Variants in CNTNAP5 observed in about 807,000 individuals in gnomAD.
CNTNAP5 encodes the protein contactin associated protein family member 5, also known as contactin-associated protein-like 5.
A neutral mutation model predicts 150.2 loss-of-function variants in CNTNAP5; 72 were observed. The ratio of observed to expected loss-of-function variants is 0.48; its 90% confidence interval spans 0.40 to 0.58. The LOEUF (loss-of-function observed/expected upper bound fraction) is 0.58, where lower values mean the gene tolerates loss of function less well. Ranked by LOEUF, CNTNAP5 falls within the 20% of genes least tolerant of loss-of-function variation. The pLI is 0.00. For synonymous variants in CNTNAP5, 672 were observed against 619.8 expected (o/e 1.08, Z -1.25); for missense variants, 1,636 against 1,626.2 (o/e 1.01, Z -0.10).
intron 7 of CNTNAP5, among the ~76,000 whole-genome samples, chr2:124,501,281 C>T (rs1255322137): frequency 1.3e-5 from 2 of 152,206 alleles, no homozygotes; most frequent in Non-Finnish European, 2.9e-5. Context: ...GTACAATTAA[C>T]TAATCCCTGT....
At chr2:124,525,626 G>A (rs1446278412) in intron 9 of CNTNAP5, among the ~76,000 whole-genome samples, 2 of 152,194 alleles carry the variant, frequency 1.3e-5, no homozygotes, top group African/African-American at 2.4e-5. Context: ...AGGTCTCCTA[G>A]GAGGGAAGCA....
chr2:124,238,084 C>T (rs903008126), intron 2 of CNTNAP5, among the ~76,000 whole-genome samples: 4 of 152,074 alleles, frequency 2.6e-5, no homozygotes, highest in Non-Finnish European at 5.9e-5. Context: ...AACTGAGATA[C>T]TGGAAACAAT....
chr2:124,792,289 T>C lies in CNTNAP5; in HGVS notation c.2992+2148T>C, dbSNP rs764580686. On this transcript the variant is annotated intron_variant, in intron 18 of 23. Transcript: ENST00000682447. ...AATAAACTAGTAATTAACTGCAACATATATTCCTCATCCAAACAAATAGAG... is the reference window on the plus strand; with the variant it reads ...AATAAACTAGTAATTAACTGCAACACATATTCCTCATCCAAACAAATAGAG... 5.9e-4 allele frequency among the ~76,000 whole-genome samples: 90 copies of C among 152,192 alleles called. No individual in the cohort carries two copies. In the Middle Eastern group the frequency reaches 0.01, roughly 17 times the overall value.
intron 11 of CNTNAP5, among the ~76,000 whole-genome samples, chr2:124,579,263 T>G (rs1327372877): frequency 6.6e-6 from 1 of 152,230 alleles, no homozygotes; most frequent in African/African-American, 2.4e-5. Context: ...TTCCTCATGA[T>G]AGGCTCTATA....
At chr2:124,163,951 C>T (rs752441618) in intron 1 of CNTNAP5, among the ~76,000 whole-genome samples, 2 of 151,950 alleles carry the variant, frequency 1.3e-5, no homozygotes, top group Non-Finnish European at 2.9e-5. Context: ...CTCTGTTCTT[C>T]ACTTCACTTA....
chr2:124,538,582 A>C (rs923914940), intron 10 of CNTNAP5, among the ~76,000 whole-genome samples: 8 of 151,602 alleles, frequency 5.3e-5, no homozygotes, highest in Non-Finnish European at 1.0e-4. Flanking sequence ...AGAAAGAAGG[A>C]AGGAAAGAAA....
intron 1 of CNTNAP5, among the ~76,000 whole-genome samples, chr2:124,038,559 A>T (rs1438360018): frequency 6.6e-6 from 1 of 152,194 alleles, no homozygotes; most frequent in Non-Finnish European, 1.5e-5. Flanking sequence ...AGCTCTCAAA[A>T]ATAATTAGCC....
chr2:124,853,371 T>G (rs1319450455), intron 19 of CNTNAP5, among the ~76,000 whole-genome samples: 1 of 152,226 alleles, frequency 6.6e-6, no homozygotes, highest in African/African-American at 2.4e-5. Context: ...CTTGCCAGTG[T>G]GGTCTCTTTC....
At chr2:124,080,635 C>T (rs530873649) in intron 1 of CNTNAP5, among the ~76,000 whole-genome samples, 1 of 152,204 alleles carries the variant, frequency 6.6e-6, no homozygotes, top group South Asian at 2.1e-4. Context: ...GAGAGTGTCC[C>T]CAAATCCATT....
chr2:124,613,964 G>A (rs1208702922), intron 12 of CNTNAP5, among the ~76,000 whole-genome samples: 1 of 152,132 alleles, frequency 6.6e-6, no homozygotes, highest in African/African-American at 2.4e-5. Context: ...TGGGAGACGG[G>A]GAGAGCACAA....
intron 3 of CNTNAP5, among the ~76,000 whole-genome samples, chr2:124,326,953 C>T (rs895173394): frequency 4.3e-5 from 6 of 139,816 alleles, no homozygotes; most frequent in African/African-American, 8.0e-5. Context: ...ACAGCCTGGG[C>T]GACGAGGTTA....
At chr2:124,803,577 C>A (rs1682016549) in intron 19 of CNTNAP5, among the ~76,000 whole-genome samples, 1 of 152,102 alleles carries the variant, frequency 6.6e-6, no homozygotes, top group South Asian at 2.1e-4. Context: ...GTGCAGCTGC[C>A]CTCCAGCACC....
chr2:124,463,477 T>G (rs1272686090), intron 6 of CNTNAP5, among the ~76,000 whole-genome samples: 2 of 152,264 alleles, frequency 1.3e-5, no homozygotes, highest in African/African-American at 4.8e-5. Context: ...AGTTTGAGAA[T>G]ATAGGGCTGC....
chr2:124,796,573 C>T (rs1681850979), intron 18 of CNTNAP5, among the ~76,000 whole-genome samples: 1 of 152,172 alleles, frequency 6.6e-6, no homozygotes, highest in South Asian at 2.1e-4. Flanking sequence ...CTAGTATTCT[C>T]AATCTGCTAG....
intron 7 of CNTNAP5, among the ~76,000 whole-genome samples, chr2:124,486,994 T>A (rs1193630114): frequency 1.3e-5 from 2 of 152,180 alleles, no homozygotes. Context: ...TTTACATAGC[T>A]TATTCTTTTC....
At chr2:124,442,303 C>T (rs928820398) in intron 5 of CNTNAP5, among the ~76,000 whole-genome samples, 1 of 152,154 alleles carries the variant, frequency 6.6e-6, no homozygotes, top group African/African-American at 2.4e-5. Context: ...CAGTGAACAA[C>T]AACCGACATA....
intron 19 of CNTNAP5, among the ~76,000 whole-genome samples, chr2:124,803,025 G>A (rs1426621914): frequency 6.6e-6 from 1 of 151,246 alleles, no homozygotes; most frequent in African/African-American, 2.4e-5. Flanking sequence ...TGAGGCAGGA[G>A]AATGATGTGA....
chr2:124,350,581 C>T (rs989441936), intron 3 of CNTNAP5, among the ~76,000 whole-genome samples: 10 of 151,676 alleles, frequency 6.6e-5, no homozygotes, highest in Middle Eastern at 3.5e-3. Context: ...TTAAAATCTA[C>T]CCCCGCAAAA....
intron 14 of CNTNAP5, among the ~76,000 whole-genome samples, chr2:124,758,216 G>T (rs1215994504): frequency 6.6e-6 from 1 of 152,008 alleles, no homozygotes; most frequent in Non-Finnish European, 1.5e-5. Context: ...AAGAGTGAGG[G>T]AGGAAGTAAG....
Sources: gnomAD v4.1 joint callset for allele counts (sites outside exome capture counted in the v4.1 genomes callset) on GRCh38, gnomAD v4.1.1 for gene constraint, MANE v1.5 for transcripts, NCBI Gene and HGNC (gene_info 2026-07-23, HGNC 2026-07-21) for gene names.